Variants in CPNE8 observed in about 807,000 individuals in gnomAD.
The protein encoded by CPNE8 is copine 8.
Under a neutral mutation model 81.5 loss-of-function variants are expected in CPNE8, and 45 were observed. The observed-to-expected ratio is 0.55, with a 90% confidence interval of 0.44 to 0.71. The LOEUF (loss-of-function observed/expected upper bound fraction) is 0.71. CPNE8 is among the 30% of genes least tolerant of loss of function. The pLI is 0.00. For missense variants in CPNE8, 594 were observed against 672.1 expected (o/e 0.88, Z 1.28); for synonymous variants, 252 against 226.3 (o/e 1.11, Z -1.02).
chr12:38,669,982 G>A (rs561412893), intron 19 of CPNE8, among the ~76,000 whole-genome samples: 2 of 152,182 alleles, frequency 1.3e-5, no homozygotes, highest in East Asian at 1.9e-4. Context: ...TTAAAAACTC[G>A]TGGCCTGTAA....
intron 11 of CPNE8, among the ~76,000 whole-genome samples, chr12:38,729,607 A>G (rs1940785300): frequency 6.6e-6 from 1 of 152,024 alleles, no homozygotes. Flanking sequence ...TTTAGCATCA[A>G]CCTGGAAGGG....
intron 3 of CPNE8, among the ~76,000 whole-genome samples, chr12:38,861,869 A>G (rs1327921659): frequency 1.3e-5 from 2 of 151,806 alleles, no homozygotes; most frequent in Non-Finnish European, 2.9e-5. Flanking sequence ...AGTAGTGGTG[A>G]GCATTACTTA....
At chr12:38,843,031 T>G (rs1943499519) in intron 4 of CPNE8, among the ~76,000 whole-genome samples, 1 of 152,210 alleles carries the variant, frequency 6.6e-6, no homozygotes, top group Non-Finnish European at 1.5e-5. Context: ...GTTTATAAGT[T>G]CCATACTTTC....
rs772461948 is a variant in CPNE8, at chr12:38,652,998, G to C, written c.*884C>G. 6.6e-6 allele frequency: 1 copy of C among 152,552 alleles called. No homozygotes were observed. The highest frequency in any genetic ancestry group is 1.5e-5 in the Non-Finnish European group (1 of 68,010). The allele number at this position is 152,552 out of a possible 1,614,324, so 9.4% of individuals were successfully genotyped here. A position where few individuals can be genotyped will look rare whatever the true frequency, so the allele number is the denominator to read the frequency against. Reference sequence around the variant, plus strand: ...TAGACAAGATATAATGGAATAAAAAGTTTAAAACATCTGCTACATAGTTCA... The same window carrying C: ...TAGACAAGATATAATGGAATAAAAACTTTAAAACATCTGCTACATAGTTCA... On this transcript the variant is annotated 3_prime_UTR_variant, in exon 20 of 20. Transcript: ENST00000331366.
At chr12:38,748,540 G>A (rs190671135) in intron 10 of CPNE8, among the ~76,000 whole-genome samples, 1,962 of 150,826 alleles carry the variant, frequency 0.013, 29 homozygotes, top group South Asian at 0.042. Flanking sequence ...TCGCTCTGTC[G>A]CCCAGGCTGG....
intron 11 of CPNE8, among the ~76,000 whole-genome samples, chr12:38,727,165 G>T (rs991095339): frequency 2.0e-4 from 30 of 152,026 alleles, no homozygotes; most frequent in African/African-American, 6.0e-4. Context: ...TCAAAGGCTT[G>T]CAAAAATCAG....
rs61937769 is a variant in CPNE8 at position 38,750,019 on chromosome 12, G to A, written c.722+10828C>T. Among the ~76,000 whole-genome samples, 631 of 152,206 alleles carry A rather than the reference G, an allele frequency of 4.1e-3. 3 individuals carry two copies. The highest frequency in any genetic ancestry group is 0.017 in the Middle Eastern group (5 of 294). ...TGCCTAGGAGAAAATGGTTTCCTGG[G>A]TTGGGCCCAGGGTCACTGTGATGCT... On this transcript the variant is annotated intron_variant, in intron 10 of 19. Transcript: ENST00000331366.
chr12:38,854,349 T>C (rs951606272), intron 3 of CPNE8, among the ~76,000 whole-genome samples: 3 of 123,914 alleles, frequency 2.4e-5, no homozygotes, highest in African/African-American at 1.2e-4. Context: ...ATCCGAGGCA[T>C]TTTTTTCACA....
At chr12:38,802,697 C>A (rs546203842) in intron 6 of CPNE8, among the ~76,000 whole-genome samples, 8 of 151,802 alleles carry the variant, frequency 5.3e-5, no homozygotes, top group Admixed American at 3.3e-4. Context: ...AAAACCCTTC[C>A]AAAAATCAAT....
At chr12:38,826,234 G>C (rs562110437) in intron 6 of CPNE8, among the ~76,000 whole-genome samples, 1 of 152,280 alleles carries the variant, frequency 6.6e-6, no homozygotes, top group South Asian at 2.1e-4. Flanking sequence ...ACTGTCCAAG[G>C]AGATGAAGGG....
At chr12:38,902,201 A>AAAAG (rs770930271) in intron 1 of CPNE8, among the ~76,000 whole-genome samples, 1 of 147,304 alleles carries the variant, frequency 6.8e-6, no homozygotes, top group Non-Finnish European at 1.5e-5. Flanking sequence ...AGAGAAAGAG[A>AAAAG]AAAGAAAGAA....
At chr12:38,690,656 T>C (rs1939653676) in intron 15 of CPNE8, among the ~76,000 whole-genome samples, 1 of 151,244 alleles carries the variant, frequency 6.6e-6, no homozygotes, top group Admixed American at 6.6e-5. Context: ...AATGTGGAGG[T>C]AGGAAAAGCA....
intron 10 of CPNE8, among the ~76,000 whole-genome samples, chr12:38,755,067 G>A (rs554976394): frequency 2.0e-5 from 3 of 152,292 alleles, no homozygotes; most frequent in African/African-American, 4.8e-5. Context: ...ACTTGGTCAT[G>A]ATAATGCATA....
At chr12:38,806,919 C>A (rs1942821127) in intron 6 of CPNE8, among the ~76,000 whole-genome samples, 1 of 150,676 alleles carries the variant, frequency 6.6e-6, no homozygotes, top group Admixed American at 6.6e-5. Flanking sequence ...GATACAAAAT[C>A]AATGTACAAA....
At chr12:38,861,759 C>A (rs944223203) in intron 3 of CPNE8, among the ~76,000 whole-genome samples, 3 of 152,014 alleles carry the variant, frequency 2.0e-5, no homozygotes, top group Admixed American at 1.3e-4. Context: ...TATCAACATG[C>A]AAGAACTAGG....
chr12:38,764,867 A>G (rs1357927948), intron 8 of CPNE8, among the ~76,000 whole-genome samples: 1 of 151,444 alleles, frequency 6.6e-6, no homozygotes, highest in African/African-American at 2.4e-5. Flanking sequence ...ACAGGAAGAG[A>G]GAGAGAGAGA....
rs1022452823 is a variant in CPNE8 at position 38,692,202 on chromosome 12, C to T, written c.1143+1455G>A. On this transcript the variant is annotated intron_variant, in intron 15 of 19. Transcript: ENST00000331366. ...TACCTGGGAAGCTGAGGCACGAGAA[C>T]TGCTTGAACCGGGGAGGCAGAGGTT... Among the ~76,000 whole-genome samples, 35 of 151,920 alleles carry T rather than the reference C, an allele frequency of 2.3e-4. 1 individual carries two copies. Among genetic ancestry groups the T allele is most frequent in the Non-Finnish European group, 1.5e-5 (1 of 67,952 alleles).
intron 14 of CPNE8, among the ~76,000 whole-genome samples, chr12:38,694,604 T>C (rs888568556): frequency 2.0e-5 from 3 of 152,234 alleles, no homozygotes; most frequent in African/African-American, 7.2e-5. Flanking sequence ...AAAATGCTTA[T>C]ACTGTGTAGG....
chr12:38,846,082 T>A (rs1486463231), intron 4 of CPNE8, among the ~76,000 whole-genome samples: 1 of 152,214 alleles, frequency 6.6e-6, no homozygotes, highest in African/African-American at 2.4e-5. Flanking sequence ...TATGTTACTT[T>A]ATAGTTTCCT....
Sources: allele counts gnomAD v4.1 joint callset (sites outside exome capture counted in the v4.1 genomes callset), GRCh38; gene constraint gnomAD v4.1.1; transcripts MANE v1.5; gene names NCBI Gene and HGNC (gene_info 2026-07-23, HGNC 2026-07-21).